Variants in RGS7 observed in about 807,000 individuals in gnomAD.
The protein encoded by RGS7 is regulator of G protein signaling 7.
Under a neutral mutation model 81.1 loss-of-function variants are expected in RGS7, and 27 were observed. The observed-to-expected ratio is 0.33, with a 90% CI of 0.25 to 0.46. The LOEUF (loss-of-function observed/expected upper bound fraction) is 0.46, where lower values mean the gene tolerates loss of function less well. Among genes scored for constraint, RGS7 ranks in the 20% least tolerant of loss-of-function variants. The pLI is 1.00. For missense variants in RGS7, 396 were observed against 607.4 expected (o/e 0.65, Z 3.66); for synonymous variants, 208 against 207.7 (o/e 1.00, Z -0.01).
chr1:241,226,618 A>T (rs1274489133), intron 2 of RGS7, among the ~76,000 whole-genome samples: 3 of 152,182 alleles, frequency 2.0e-5, no homozygotes, highest in Non-Finnish European at 4.4e-5. Context: ...CAATGGACTG[A>T]TTCCATTACA....
At position 240,869,246 on chromosome 1, in the gene RGS7, G is replaced by T. The variant is rs141301526; in HGVS notation, c.451-394C>A. Among the ~76,000 whole-genome samples the T allele has an allele frequency of 4.9e-4, 75 of 152,194 alleles. 1 individual carries two copies. In the East Asian group the frequency reaches 0.011, roughly 22 times the overall value. On this transcript the variant is annotated intron_variant, in intron 7 of 18. Coordinates refer to ENST00000440928, the MANE Select transcript of RGS7 (RefSeq NM_001364886.1). The stretch of plus-strand genomic sequence containing the variant: ...ACTACGCATGCAATCAGCCTATTCA[G>T]TTCCTGACAATACATGGCACACCCT...
At chr1:241,173,795 A>G (rs530396294) in intron 2 of RGS7, among the ~76,000 whole-genome samples, 2 of 152,296 alleles carry the variant, frequency 1.3e-5, no homozygotes, top group Admixed American at 6.5e-5. Flanking sequence ...TAAAAAATAA[A>G]AAGAAAATTA....
At chr1:241,180,692 C>T (rs1485490103) in intron 2 of RGS7, among the ~76,000 whole-genome samples, 2 of 152,144 alleles carry the variant, frequency 1.3e-5, no homozygotes, top group African/African-American at 2.4e-5. Flanking sequence ...CACAGAATGG[C>T]GTTGTAGAGG....
intron 3 of RGS7, among the ~76,000 whole-genome samples, chr1:241,000,958 G>A (rs993924697): frequency 1.3e-5 from 2 of 151,628 alleles, no homozygotes; most frequent in Non-Finnish European, 2.9e-5. Context: ...TGCCTGACTA[G>A]TTCCTCATTT....
intron 2 of RGS7, among the ~76,000 whole-genome samples, chr1:241,211,428 T>G (rs2074236238): frequency 6.6e-6 from 1 of 152,188 alleles, no homozygotes; most frequent in Non-Finnish European, 1.5e-5. Flanking sequence ...TCCCTGAGCT[T>G]TGTGGCAACT....
chr1:241,264,818 A>C (rs2077500911), intron 2 of RGS7, among the ~76,000 whole-genome samples: 1 of 152,232 alleles, frequency 6.6e-6, no homozygotes, highest in Non-Finnish European at 1.5e-5. Flanking sequence ...CCAACAGGTC[A>C]GGAGATAGAG....
chr1:240,843,895 C>T (rs1008891686), intron 9 of RGS7, among the ~76,000 whole-genome samples: 1 of 80,342 alleles, frequency 1.2e-5, no homozygotes, highest in African/African-American at 3.8e-5. Context: ...AGCAAATGAA[C>T]AGGGAAAAAA....
At chr1:240,957,620 G>A (rs1300697962) in intron 4 of RGS7, among the ~76,000 whole-genome samples, 2 of 152,200 alleles carry the variant, frequency 1.3e-5, no homozygotes, top group Non-Finnish European at 1.5e-5. Flanking sequence ...AAATCAGAAA[G>A]TATTGACTTC....
rs529282072 is a variant in RGS7, at chr1:240,852,200, C to T, written c.609+16387G>A. Among the ~76,000 whole-genome samples, 5 of 152,270 alleles carry T rather than the reference C, an allele frequency of 3.3e-5. No homozygotes were observed. The South Asian group carries it at 6.2e-4, about 19-fold the overall frequency. On this transcript the variant is annotated intron_variant, in intron 9 of 18. Transcript: ENST00000440928. ...AGCTTCTCCAACCTTTAGCAACCAC[C>T]GCCCAGATCAGTCAGCAGCTATCAG... is the stretch of plus-strand genomic sequence containing the variant.
intron 2 of RGS7, among the ~76,000 whole-genome samples, chr1:241,266,013 C>T (rs919122769): frequency 1.3e-5 from 2 of 152,026 alleles, no homozygotes; most frequent in South Asian, 2.1e-4. Context: ...AGGCTGGTCT[C>T]GAACTCCCGA....
chr1:241,277,176 A>G (rs554654141), intron 2 of RGS7, among the ~76,000 whole-genome samples: 24 of 152,230 alleles, frequency 1.6e-4, no homozygotes, highest in Non-Finnish European at 3.2e-4. Context: ...TCTGCTCTAC[A>G]TAATTCTCTT....
chr1:241,146,465 C>G (rs1572883752), intron 2 of RGS7, among the ~76,000 whole-genome samples: 1 of 152,126 alleles, frequency 6.6e-6, no homozygotes, highest in South Asian at 2.1e-4. Context: ...ACGCTATGCT[C>G]TGGGCAGAAG....
rs563075174 is a variant in RGS7 at position 240,955,439 on chromosome 1, C to T, written c.227-18733G>A. 8.6e-5 allele frequency among the ~76,000 whole-genome samples: 13 copies of T among 151,808 alleles called. No homozygotes were observed. In the South Asian group the frequency reaches 2.7e-3, roughly 32 times the overall value. ...TGGTGGTGGGCGCCTGTAGTCTCAG[C>T]TACTTGGGAGTCTGTGGCAGGAGAA... is the stretch of plus-strand genomic sequence containing the variant. On this transcript the variant is annotated intron_variant, in intron 4 of 18. Transcript: ENST00000440928.
intron 2 of RGS7, among the ~76,000 whole-genome samples, chr1:241,324,105 T>G (rs1163200664): frequency 1.3e-5 from 2 of 152,222 alleles, no homozygotes; most frequent in African/African-American, 4.8e-5. Context: ...GCTCCAATGT[T>G]AGACGATGAT....
chr1:241,299,298 C>T (rs913359096), intron 2 of RGS7, among the ~76,000 whole-genome samples: 6 of 151,984 alleles, frequency 3.9e-5, no homozygotes, highest in African/African-American at 1.5e-4. Context: ...TCCATTATTC[C>T]CTCCTGTTAT....
chr1:241,278,563 G>A (rs1398180869), intron 2 of RGS7, among the ~76,000 whole-genome samples: 1 of 152,084 alleles, frequency 6.6e-6, no homozygotes, highest in Non-Finnish European at 1.5e-5. Flanking sequence ...GAGGCTCAAG[G>A]GCAGATCCTC....
At chr1:241,083,881 G>GA (rs570144934) in intron 3 of RGS7, among the ~76,000 whole-genome samples, 1 of 151,728 alleles carries the variant, frequency 6.6e-6, no homozygotes, top group South Asian at 2.1e-4. Context: ...TATGATGAAT[G>GA]AAAAAAAACT....
rs1412493264 is a variant in RGS7, at chr1:241,197,294, G to A, written c.79-98532C>T. Among the ~76,000 whole-genome samples, 2 of 4,436 alleles carry A rather than the reference G, an allele frequency of 4.5e-4. 1 individual carries two copies. The highest frequency in any genetic ancestry group is 1.2e-3 in the Non-Finnish European group (2 of 1,700). 2.9% of individuals were successfully genotyped at this position (4,436 alleles called of 152,430 possible). ...TTTTGAGACGGAGTCTCGCTCTGTC[G>A]CCCAGGCTGGAGTGCAGTGGCGGGA... On this transcript the variant is annotated intron_variant, in intron 2 of 18. Transcript: ENST00000440928.
chr1:241,042,201 A>G (rs2060661204), intron 3 of RGS7, among the ~76,000 whole-genome samples: 1 of 152,204 alleles, frequency 6.6e-6, no homozygotes, highest in African/African-American at 2.4e-5. Flanking sequence ...ACTACAATCT[A>G]TGCATGTAGT....
Sources: allele counts gnomAD v4.1 joint callset (sites outside exome capture counted in the v4.1 genomes callset), GRCh38; gene constraint gnomAD v4.1.1; transcripts MANE v1.5; gene names NCBI Gene and HGNC (gene_info 2026-07-23, HGNC 2026-07-21).